Variants in PTGER3 observed in about 807,000 individuals in gnomAD.
PTGER3 encodes the protein prostaglandin E receptor 3.
Under a neutral mutation model 34.7 loss-of-function variants are expected in PTGER3, and 22 were observed. The observed-to-expected ratio is 0.63, with a 90% confidence interval of 0.45 to 0.91. The LOEUF is 0.91. Ranked by LOEUF, PTGER3 falls within the 40% of genes least tolerant of loss-of-function variation. PTGER3 has a pLI of 0.00. For synonymous variants in PTGER3, 241 were observed against 230.1 expected (o/e 1.05, Z -0.43); for missense variants, 468 against 519.4 (o/e 0.90, Z 0.96).
At position 71,047,017 on chromosome 1, in the gene PTGER3, G is replaced by C; in HGVS notation, c.561C>G (p.Ala187=). The C allele has an allele frequency of 3.1e-6, 5 of 1,611,030 alleles. No homozygotes were observed. The highest frequency in any genetic ancestry group is 4.2e-6 in the Non-Finnish European group (5 of 1,178,978). Residue 187 remains alanine, a synonymous_variant, in exon 1 of 4, where the codon GCC becomes GCG. Coordinates refer to ENST00000306666, the MANE Select transcript of PTGER3 (RefSeq NM_198719.2). ...VLLGVWLAVL[A]FALLPVLGVG... Reference sequence around the variant, plus strand: ...CGCCCAGCACCGGCAGCAGGGCGAAGGCGAGCACGGCCAGCCACACGCCGA... The same window carrying C: ...CGCCCAGCACCGGCAGCAGGGCGAACGCGAGCACGGCCAGCCACACGCCGA...
intron 3 of PTGER3, among the ~76,000 whole-genome samples, chr1:70,974,005 A>G (rs919123530): frequency 6.6e-6 from 1 of 152,140 alleles, no homozygotes; most frequent in Non-Finnish European, 1.5e-5. Flanking sequence ...TACTACTGGA[A>G]ACTGTCCTTA....
At chr1:71,039,475 C>G (rs537825677) in intron 1 of PTGER3, among the ~76,000 whole-genome samples, 1 of 151,496 alleles carries the variant, frequency 6.6e-6, no homozygotes, top group South Asian at 2.1e-4. Context: ...GCAGTGAAAC[C>G]CTGTCTCTAC....
intron 4 of PTGER3, among the ~76,000 whole-genome samples, chr1:70,931,510 T>A (rs541278708): frequency 6.6e-6 from 1 of 152,266 alleles, no homozygotes; most frequent in African/African-American, 2.4e-5. Context: ...CAGCAAACTT[T>A]CTCCTGGGCA....
chr1:70,967,135 C>A (rs1380098730), downstream of PTGER3, among the ~76,000 whole-genome samples: 1 of 151,982 alleles, frequency 6.6e-6, no homozygotes, highest in African/African-American at 2.4e-5. Flanking sequence ...GGAAAGACTT[C>A]CTTGTACTAC....
chr1:71,044,484 T>C (rs955116401), intron 1 of PTGER3, among the ~76,000 whole-genome samples: 27 of 151,730 alleles, frequency 1.8e-4, no homozygotes, highest in African/African-American at 6.3e-4. Context: ...ACATGTTTAA[T>C]TTATTTTGTT....
intron 4 of PTGER3, among the ~76,000 whole-genome samples, chr1:70,936,296 A>C (rs1649223003): frequency 6.6e-6 from 1 of 152,204 alleles, no homozygotes; most frequent in South Asian, 2.1e-4. Context: ...CTGCAGAGGT[A>C]GAAAGTGCAC....
chr1:71,012,439 A>T lies in PTGER3; in HGVS notation c.943T>A (p.Cys315Ser). Residue 315 changes from cysteine (C) to serine (S), a missense_variant, in exon 2 of 4, where the codon TGC becomes AGC. This residue lies in a region of PTGER3 where 204 missense variants were observed against 230.8 expected (regional missense o/e 0.88). Coordinates refer to ENST00000306666, the MANE Select transcript of PTGER3 (RefSeq NM_198719.2). The stretch of plus-strand genomic sequence containing the variant: ...TTCTGCTTCTCCGTGTGTGTCTTGC[A>T]GTGCTCAACTGATGTCTGATTGAAG... ...MIFNQTSVEH[C>S]KTHTEKQKEC... 1 of 1,614,144 alleles carries T rather than the reference A, an allele frequency of 6.2e-7. No individual in the cohort carries two copies. The highest frequency in any genetic ancestry group is 8.5e-7 in the Non-Finnish European group (1 of 1,180,030).
chr1:71,006,582 C>T lies in PTGER3; in HGVS notation c.1077+5723G>A, dbSNP rs1656987443. The T allele has an allele frequency of 5.1e-6, 5 of 980,408 alleles. No homozygotes were observed. In the South Asian group the frequency reaches 2.4e-4, roughly 46 times the overall value. The allele number at this position is 980,408 out of a possible 1,614,324, so 60.7% of individuals were successfully genotyped here. A position where few individuals can be genotyped will look rare whatever the true frequency, so the allele number is the denominator to read the frequency against. ...TTATAAATGCACTCTGTGTTAAGAA[C>T]AATAATCTTGAGATAATAAAACAAA... On this transcript the variant is annotated intron_variant, in intron 2 of 3. Transcript: ENST00000306666.
chr1:71,012,985 A>T (rs551907543), intron 1 of PTGER3, among the ~76,000 whole-genome samples: 2 of 152,264 alleles, frequency 1.3e-5, no homozygotes, highest in African/African-American at 4.8e-5. Flanking sequence ...ACTATTTAGC[A>T]GACATGGTGC....
intron 1 of PTGER3, among the ~76,000 whole-genome samples, chr1:71,041,014 A>C (rs1451054902): frequency 6.6e-6 from 1 of 152,176 alleles, no homozygotes; most frequent in African/African-American, 2.4e-5. Flanking sequence ...ATTCACAGAG[A>C]GTTCCCATGT....
chr1:70,878,322 C>T (rs1646316544), intron 4 of PTGER3, among the ~76,000 whole-genome samples: 4 of 151,860 alleles, frequency 2.6e-5, no homozygotes, highest in African/African-American at 7.3e-5. Flanking sequence ...GTAAAGTACC[C>T]CTGGTCATTT....
intron 2 of PTGER3, chr1:71,010,721 T>C (rs1253216724): frequency 7.1e-6 from 7 of 984,972 alleles, no homozygotes; most frequent in Non-Finnish European, 8.4e-6. Flanking sequence ...TTTCCAAAAT[T>C]TAGATTAGTA....
chr1:70,897,212 C>T (rs1646740412), intron 4 of PTGER3, among the ~76,000 whole-genome samples: 1 of 152,126 alleles, frequency 6.6e-6, no homozygotes, highest in Admixed American at 6.5e-5. Flanking sequence ...TATGTTTTAT[C>T]TGATTATGCT....
At chr1:70,963,279 C>G (rs146606738) in intron 2 of PTGER3, among the ~76,000 whole-genome samples, 6 of 152,216 alleles carry the variant, frequency 3.9e-5, no homozygotes, top group East Asian at 1.9e-4. Flanking sequence ...ACCGCACAAG[C>G]CTTTGGGAGA....
intron 1 of PTGER3, among the ~76,000 whole-genome samples, chr1:71,031,546 G>A (rs781501878): frequency 5.3e-5 from 8 of 152,084 alleles, no homozygotes; most frequent in Non-Finnish European, 8.8e-5. Flanking sequence ...AGTCAGGCTG[G>A]CAACAGAAGT....
At chr1:70,931,695 C>G (rs1174044055) in intron 4 of PTGER3, among the ~76,000 whole-genome samples, 2 of 152,158 alleles carry the variant, frequency 1.3e-5, no homozygotes, top group Non-Finnish European at 2.9e-5. Flanking sequence ...ATGGCTGGAA[C>G]AGCTTGGATG....
intron 1 of PTGER3, among the ~76,000 whole-genome samples, chr1:71,041,284 T>C (rs1268909320): frequency 1.3e-5 from 2 of 152,234 alleles, no homozygotes; most frequent in Non-Finnish European, 2.9e-5. Context: ...CAAAATCATC[T>C]GGCAACACAG....
chr1:70,888,969 G>A (rs984259821), intron 4 of PTGER3, among the ~76,000 whole-genome samples: 1 of 152,048 alleles, frequency 6.6e-6, no homozygotes, highest in African/African-American at 2.4e-5. Flanking sequence ...AGTGTAGTAG[G>A]TTTTTTAGAA....
chr1:71,038,374 T>C (rs1660010516), intron 1 of PTGER3, among the ~76,000 whole-genome samples: 1 of 152,224 alleles, frequency 6.6e-6, no homozygotes, highest in Non-Finnish European at 1.5e-5. Flanking sequence ...TGTTTTTGTA[T>C]TACCAAGAGT....
Sources: gnomAD v4.1 joint callset for allele counts (sites outside exome capture counted in the v4.1 genomes callset) on GRCh38, gnomAD v4.1.1 for gene constraint, gnomAD v4.1.1 regional missense constraint, MANE v1.5 for transcripts, NCBI Gene and HGNC (gene_info 2026-07-23, HGNC 2026-07-21) for gene names.